B3GAT2: variants seen among roughly 807,000 people sequenced by gnomAD.
B3GAT2 encodes galactosylgalactosylxylosylprotein 3-beta-glucuronosyltransferase 2.
Under a neutral mutation model 27.8 loss-of-function variants are expected in B3GAT2, and 26 were observed. The observed-to-expected ratio is 0.93, with a 90% confidence interval of 0.68 to 1.30. B3GAT2 has a LOEUF of 1.30. Among genes scored for constraint, B3GAT2 ranks in the 50% most tolerant of loss-of-function variants. The pLI, the probability that B3GAT2 is intolerant of heterozygous loss-of-function variation, is 0.00. For synonymous variants in B3GAT2, 218 were observed against 195.1 expected, an observed-to-expected ratio of 1.12 and a Z score of -0.98; for missense variants, 458 against 459.0, an observed-to-expected ratio of 1.00 and a Z score of 0.02.
intron 1 of B3GAT2, among the ~76,000 whole-genome samples, chr6:70,912,870 G>T (rs1171567840): frequency 6.6e-6 from 1 of 152,092 alleles, no homozygotes; most frequent in Non-Finnish European, 1.5e-5. Flanking sequence ...TCTGTTCAGG[G>T]TTTCAATTTC....
intron 1 of B3GAT2, among the ~76,000 whole-genome samples, chr6:70,913,898 TTTAGGATATTTAA>T (rs1772727454): frequency 6.6e-6 from 1 of 152,210 alleles, no homozygotes; most frequent in Non-Finnish European, 1.5e-5. Flanking sequence ...GGTACATATA[TTTAGGATATTTAA>T]GTCTTCTTGT....
intron 2 of B3GAT2, among the ~76,000 whole-genome samples, chr6:70,876,735 T>C (rs551412267): frequency 6.6e-6 from 1 of 152,178 alleles, no homozygotes; most frequent in South Asian, 2.1e-4. Context: ...TAGGGGCCCA[T>C]TGCTGGTTTT....
intron 1 of B3GAT2, among the ~76,000 whole-genome samples, chr6:70,945,638 A>G (rs1213910088): frequency 6.7e-6 from 1 of 150,274 alleles, no homozygotes; most frequent in Non-Finnish European, 1.5e-5. Context: ...ACCGAGTTGG[A>G]AAACACTCGG....
chr6:70,894,199 A>G lies in B3GAT2; in HGVS notation c.665T>C (p.Val222Ala). The change falls in exon 2 of 4, where the codon GTG becomes GCG. Residue 222 changes from valine to alanine, a missense_variant. Val to Ala is a moderately conservative substitution (Grantham distance 64). Coordinates refer to ENST00000230053, the MANE Select transcript of B3GAT2 (RefSeq NM_080742.3). ...CCAGCCAACAACTTTGCCGTTTTCC[A>G]CCAGCGGACGTTCGTAGCGCCGCCC... Reference protein sequence around the residue: ...VGGRRYERPLVENGKVVGWYT... With the variant: ...VGGRRYERPLAENGKVVGWYT... 1 of 1,613,882 alleles carries G rather than the reference A, an allele frequency of 6.2e-7. No individual in the cohort carries two copies. The highest frequency in any genetic ancestry group is 8.5e-7 in the Non-Finnish European group (1 of 1,179,840).
At position 70,860,355 on chromosome 6, in the gene B3GAT2, T is replaced by G. The variant is rs1771662367; in HGVS notation, c.*1308A>C. On this transcript the variant is annotated 3_prime_UTR_variant, in exon 4 of 4. Coordinates refer to ENST00000230053, the MANE Select transcript of B3GAT2 (RefSeq NM_080742.3). ...AATGAAAACTGCAATACAAGTTTCATCCAGAACTACCACCTGACATTCCTT... is the reference window on the plus strand; with the variant it reads ...AATGAAAACTGCAATACAAGTTTCAGCCAGAACTACCACCTGACATTCCTT... 1 of 1,596,102 alleles carries G rather than the reference T, an allele frequency of 6.3e-7. No individual in the cohort carries two copies. Among genetic ancestry groups the G allele is most frequent in the African/African-American group, 1.3e-5 (1 of 74,384 alleles).
Position 70,859,391 on chromosome 6 carries a change from A to C in B3GAT2, c.*2272T>G, listed in dbSNP as rs1164628689. On this transcript the variant is annotated 3_prime_UTR_variant, in exon 4 of 4. Transcript: ENST00000230053. The stretch of plus-strand genomic sequence containing the variant: ...TCAGTGCAATCTACTGGCCAATGAC[A>C]AGGTGGTTAAAATGTCCTTTAGTAG... 3 of 1,548,884 alleles carry C rather than the reference A, an allele frequency of 1.9e-6. No individual in the cohort carries two copies. The highest frequency in any genetic ancestry group is 3.9e-5 in the Admixed American group (2 of 50,714).
chr6:70,884,100 A>C (rs1772142655), intron 2 of B3GAT2, among the ~76,000 whole-genome samples: 1 of 149,780 alleles, frequency 6.7e-6, no homozygotes, highest in Non-Finnish European at 1.5e-5. Context: ...AGACTCAAAA[A>C]AAAAAAAAAA....
At chr6:70,941,831 G>T (rs148873770) in intron 1 of B3GAT2, among the ~76,000 whole-genome samples, 1 of 152,250 alleles carries the variant, frequency 6.6e-6, no homozygotes, top group East Asian at 1.9e-4. Flanking sequence ...TTCACTGCAT[G>T]CTAGGCACTG....
intron 1 of B3GAT2, among the ~76,000 whole-genome samples, chr6:70,934,801 T>C (rs1773116704): frequency 6.6e-6 from 1 of 152,202 alleles, no homozygotes. Flanking sequence ...TAGCAATCTG[T>C]AATATTTGTC....
At chr6:70,868,668 CA>C (rs1247502823) in intron 2 of B3GAT2, among the ~76,000 whole-genome samples, 1 of 152,122 alleles carries the variant, frequency 6.6e-6, no homozygotes, top group Non-Finnish European at 1.5e-5. Context: ...GGGCTCTTGA[CA>C]CATGTTTAGT....
intron 1 of B3GAT2, among the ~76,000 whole-genome samples, chr6:70,902,637 TACACACACACACACACACACAC>T (rs1211771771): frequency 7.5e-6 from 1 of 133,422 alleles, no homozygotes; most frequent in East Asian, 2.4e-4. Context: ...TATATATATA[TACACACACACACACACACACAC>T]ACACACATAT....
intron 2 of B3GAT2, among the ~76,000 whole-genome samples, chr6:70,891,902 T>C (rs535879200): frequency 5.3e-5 from 8 of 152,230 alleles, no homozygotes; most frequent in Non-Finnish European, 1.0e-4. Context: ...AAGCCACAAA[T>C]TTTTAAGTTA....
rs1398794868 is a variant in B3GAT2 at position 70,860,128 on chromosome 6, C to A, written c.*1535G>T. 13 of 1,486,572 alleles carry A rather than the reference C, an allele frequency of 8.7e-6. No individual in the cohort carries two copies. The East Asian group carries it at 2.8e-4, about 33-fold the overall frequency. The allele number at this position is 1,486,572 out of a possible 1,614,324, so 92.1% of individuals were successfully genotyped here. A position where few individuals can be genotyped will look rare whatever the true frequency, so the allele number is the denominator to read the frequency against. On this transcript the variant is annotated 3_prime_UTR_variant, in exon 4 of 4. Transcript: ENST00000230053. ...GTCACATTAATGAAAAAATGACCAA[C>A]TGTGTGGCTAAAGAAACAAGAATTA...
intron 2 of B3GAT2, among the ~76,000 whole-genome samples, chr6:70,888,877 A>G (rs1185338682): frequency 1.3e-5 from 2 of 152,068 alleles, no homozygotes; most frequent in Non-Finnish European, 2.9e-5. Flanking sequence ...TCTTCCCAAG[A>G]CCTTTCCCGA....
intron 2 of B3GAT2, among the ~76,000 whole-genome samples, chr6:70,865,182 A>G (rs535958731): frequency 6.6e-6 from 1 of 152,350 alleles, no homozygotes; most frequent in Non-Finnish European, 1.5e-5. Context: ...GCTGGAGTGC[A>G]GTGGCACAAT....
At chr6:70,870,934 T>G (rs995441288) in intron 2 of B3GAT2, among the ~76,000 whole-genome samples, 1 of 152,170 alleles carries the variant, frequency 6.6e-6, no homozygotes, top group Non-Finnish European at 1.5e-5. Context: ...TTTATTGATC[T>G]TCTCTCTAGT....
intron 2 of B3GAT2, among the ~76,000 whole-genome samples, chr6:70,879,189 TTTG>T (rs35729327): frequency 5.3e-5 from 8 of 151,748 alleles, no homozygotes; most frequent in Non-Finnish European, 8.8e-5. Context: ...TGACTTTGTT[TTTG>T]TTGTTGTTGT....
In B3GAT2 at chr6:70,859,965, A is replaced by T; in HGVS notation, c.*1698T>A. The T allele has an allele frequency of 7.9e-6, 3 of 380,454 alleles. No homozygotes were observed. The highest frequency in any genetic ancestry group is 1.4e-5 in the Non-Finnish European group (3 of 218,022). The allele number at this position is 380,454 out of a possible 1,614,324, so 23.6% of individuals were successfully genotyped here. A position where few individuals can be genotyped will look rare whatever the true frequency, so the allele number is the denominator to read the frequency against. On this transcript the variant is annotated 3_prime_UTR_variant, in exon 4 of 4. Coordinates refer to ENST00000230053, the MANE Select transcript of B3GAT2 (RefSeq NM_080742.3). ...ATTAAAATCCCAAGATTGCTTTGGTATTTTTTTTTAAGTAAGTTGTGGTTA... is the reference window on the plus strand; with the variant it reads ...ATTAAAATCCCAAGATTGCTTTGGTTTTTTTTTTTAAGTAAGTTGTGGTTA...
At chr6:70,930,559 C>T (rs35397479) in intron 1 of B3GAT2, among the ~76,000 whole-genome samples, 71,694 of 150,682 alleles carry the variant, frequency 0.48, 17,369 homozygotes, top group East Asian at 0.69. Flanking sequence ...TCTCAAAAGA[C>T]ATGCAGCCAA....
Sources: gnomAD v4.1 joint callset for allele counts (sites outside exome capture counted in the v4.1 genomes callset) on GRCh38, gnomAD v4.1.1 for gene constraint, MANE v1.5 for transcripts, NCBI Gene and HGNC (gene_info 2026-07-23, HGNC 2026-07-21) for gene names.